ITGA1: variants seen among roughly 807,000 people sequenced by gnomAD.
ITGA1 encodes integrin subunit alpha 1, also known as integrin alpha-1.
A neutral mutation model predicts 145.9 loss-of-function variants in ITGA1; 85 were observed. That is an observed-to-expected ratio of 0.58 (90% CI 0.49 to 0.70). The LOEUF is 0.70. Among genes scored for constraint, ITGA1 ranks in the 30% least tolerant of loss-of-function variants. The pLI is 0.00. For missense variants in ITGA1, 1,351 were observed against 1,418.7 expected (o/e 0.95, Z 0.77); for synonymous variants, 520 against 495.3 (o/e 1.05, Z -0.66).
Position 52,929,621 on chromosome 5 carries a change from A to G in ITGA1, c.2695-4A>G. 4 of 1,446,840 alleles carry G rather than the reference A, an allele frequency of 2.8e-6. No homozygotes were observed. The highest frequency in any genetic ancestry group is 3.9e-6 in the Non-Finnish European group (4 of 1,036,732). The allele number at this position is 1,446,840 out of a possible 1,614,324, so 89.6% of individuals were successfully genotyped here. A position where few individuals can be genotyped will look rare whatever the true frequency, so the allele number is the denominator to read the frequency against. On this transcript the variant is annotated splice_region_variant and splice_polypyrimidine_tract_variant and intron_variant, in intron 20 of 28. Coordinates refer to ENST00000282588, the MANE Select transcript of ITGA1 (RefSeq NM_181501.2). Reference sequence around the variant, plus strand: ...GTTACTAAAGACATATTTTTATTTTATAGGTAACTTTCAAAATATTGTTTC... The same window carrying G: ...GTTACTAAAGACATATTTTTATTTTGTAGGTAACTTTCAAAATATTGTTTC...
intron 28 of ITGA1, among the ~76,000 whole-genome samples, chr5:52,949,276 A>T (rs1579737147): frequency 6.6e-6 from 1 of 152,276 alleles, no homozygotes; most frequent in East Asian, 1.9e-4. Context: ...TATCAACCTT[A>T]TGAGGTCGTA....
At chr5:52,946,252 G>A (rs573436634) in intron 27 of ITGA1, among the ~76,000 whole-genome samples, 1 of 152,232 alleles carries the variant, frequency 6.6e-6, no homozygotes, top group South Asian at 2.1e-4. Context: ...AATCTGCCTT[G>A]CTGGGCTTAG....
chr5:52,890,356 A>T (rs547091931), intron 8 of ITGA1, among the ~76,000 whole-genome samples: 30 of 152,360 alleles, frequency 2.0e-4, no homozygotes, highest in African/African-American at 7.2e-4. Flanking sequence ...TTAATACTAT[A>T]TTAAGATTCA....
Position 52,849,601 on chromosome 5 carries a change from A to T in ITGA1, c.182+116A>T, listed in dbSNP as rs945482232. 20 of 965,226 alleles carry T rather than the reference A, an allele frequency of 2.1e-5. 1 individual carries two copies. In the South Asian group the frequency reaches 3.7e-4, roughly 18 times the overall value. The allele number at this position is 965,226 out of a possible 1,614,324, so 59.8% of individuals were successfully genotyped here. On this transcript the variant is annotated intron_variant, in intron 2 of 28. Transcript: ENST00000282588. ...TTTAACAGAATGAATTATTTATGGTAGAAAATGCAGTCTAGTCATTTGGCA... is the reference window on the plus strand; with the variant it reads ...TTTAACAGAATGAATTATTTATGGTTGAAAATGCAGTCTAGTCATTTGGCA...
chr5:52,797,027 C>T (rs1206032752), intron 1 of ITGA1, among the ~76,000 whole-genome samples: 2 of 151,914 alleles, frequency 1.3e-5, no homozygotes, highest in African/African-American at 4.8e-5. Context: ...TTTGTAAGGC[C>T]AGTGCAAATT....
intron 27 of ITGA1, among the ~76,000 whole-genome samples, chr5:52,946,196 G>A (rs1191956487): frequency 6.6e-6 from 1 of 152,058 alleles, no homozygotes; most frequent in Non-Finnish European, 1.5e-5. Context: ...TCTAGATTCC[G>A]GTTTCCATAT....
At chr5:52,932,365 C>A (rs911085753) in intron 22 of ITGA1, 12 of 409,318 alleles carry the variant, frequency 2.9e-5, no homozygotes, top group African/African-American at 2.5e-4. Context: ...ACTAAATAAC[C>A]CAAAGTGTTA....
At chr5:52,853,112 T>C (rs1422215124) in intron 2 of ITGA1, among the ~76,000 whole-genome samples, 2 of 152,218 alleles carry the variant, frequency 1.3e-5, no homozygotes, top group African/African-American at 4.8e-5. Context: ...AAATCTCACG[T>C]TGACATTTAT....
chr5:52,946,733 A>G (rs1185029492), intron 27 of ITGA1, among the ~76,000 whole-genome samples: 2 of 152,152 alleles, frequency 1.3e-5, no homozygotes, highest in Non-Finnish European at 2.9e-5. Context: ...GGTCCATTTT[A>G]CAGCTTTGCT....
chr5:52,926,989 T>G (rs1337061208), intron 19 of ITGA1, among the ~76,000 whole-genome samples: 1 of 152,224 alleles, frequency 6.6e-6, no homozygotes, highest in Non-Finnish European at 1.5e-5. Context: ...AACATGTTTA[T>G]TTACGTGGCA....
intron 7 of ITGA1, among the ~76,000 whole-genome samples, chr5:52,886,055 A>G (rs1750041582): frequency 6.6e-6 from 1 of 152,164 alleles, no homozygotes; most frequent in Admixed American, 6.5e-5. Context: ...AGGATGAGGG[A>G]TTTCCACTAA....
intron 3 of ITGA1, among the ~76,000 whole-genome samples, chr5:52,862,312 C>G (rs1480429960): frequency 6.6e-6 from 1 of 151,714 alleles, no homozygotes; most frequent in Non-Finnish European, 1.5e-5. Context: ...GTCGAGCGGT[C>G]TAAGGCGCTG....
chr5:52,913,030 G>A (rs1750592023), intron 14 of ITGA1, among the ~76,000 whole-genome samples: 1 of 152,004 alleles, frequency 6.6e-6, no homozygotes. Context: ...ACAGGCGTGA[G>A]CCACCGTGCC....
intron 2 of ITGA1, among the ~76,000 whole-genome samples, chr5:52,851,884 G>A (rs962195415): frequency 1.3e-5 from 2 of 152,248 alleles, no homozygotes; most frequent in East Asian, 1.9e-4. Flanking sequence ...CTGGCATTAT[G>A]CTAAATTCCA....
chr5:52,822,490 T>G (rs1748895393), intron 1 of ITGA1, among the ~76,000 whole-genome samples: 1 of 152,224 alleles, frequency 6.6e-6, no homozygotes, highest in South Asian at 2.1e-4. Context: ...CATAGAGGCA[T>G]CTGCATTGCT....
At chr5:52,835,105 G>T (rs954968192) in intron 1 of ITGA1, among the ~76,000 whole-genome samples, 1 of 152,142 alleles carries the variant, frequency 6.6e-6, no homozygotes, top group African/African-American at 2.4e-5. Context: ...TAGTCGTACA[G>T]CTATGCTATC....
At chr5:52,804,803 T>G (rs763188453) in intron 1 of ITGA1, among the ~76,000 whole-genome samples, 8 of 152,144 alleles carry the variant, frequency 5.3e-5, no homozygotes, top group Admixed American at 1.3e-4. Flanking sequence ...AAGTTAAGAC[T>G]GGCTATTTGT....
intron 7 of ITGA1, among the ~76,000 whole-genome samples, chr5:52,884,273 A>G (rs992743227): frequency 6.6e-6 from 1 of 151,704 alleles, no homozygotes; most frequent in Non-Finnish European, 1.5e-5. Flanking sequence ...GTGAAACCCC[A>G]TCTCTACTAA....
At chr5:52,880,859 T>A (rs771501820) in intron 6 of ITGA1, among the ~76,000 whole-genome samples, 1 of 152,206 alleles carries the variant, frequency 6.6e-6, no homozygotes, top group Non-Finnish European at 1.5e-5. Context: ...CAATTTTTAA[T>A]GCAGATTAGT....
Sources: gnomAD v4.1 joint callset for allele counts (sites outside exome capture counted in the v4.1 genomes callset) on GRCh38, gnomAD v4.1.1 for gene constraint, MANE v1.5 for transcripts, NCBI Gene and HGNC (gene_info 2026-07-23, HGNC 2026-07-21) for gene names.